LRRTM4: variants seen among roughly 807,000 people sequenced by gnomAD.
The protein encoded by LRRTM4 is leucine rich repeat transmembrane neuronal 4, also known as leucine-rich repeat transmembrane neuronal protein 4.
In LRRTM4, 25 loss-of-function variants were observed where a neutral mutation model predicts 47.6. The observed-to-expected ratio is 0.53, with a 90% CI of 0.38 to 0.73. The LOEUF (loss-of-function observed/expected upper bound fraction) is 0.73, where lower values mean the gene tolerates loss of function less well. LRRTM4 is among the 30% of genes least tolerant of loss of function. The pLI is 0.00. For synonymous variants in LRRTM4, 311 were observed against 269.5 expected, an observed-to-expected ratio of 1.15 and a Z score of -1.51; for missense variants, 638 against 713.4, an observed-to-expected ratio of 0.89 and a Z score of 1.20.
chr2:77,201,187 T>C (rs1673964534), intron 3 of LRRTM4, among the ~76,000 whole-genome samples: 1 of 152,118 alleles, frequency 6.6e-6, no homozygotes, highest in Non-Finnish European at 1.5e-5. Context: ...TAAAAACCTT[T>C]AAATAGAAGT....
intron 3 of LRRTM4, among the ~76,000 whole-genome samples, chr2:77,240,919 A>G (rs6715292): frequency 0.05 from 7,540 of 152,046 alleles, 639 homozygotes; most frequent in African/African-American, 0.17. Flanking sequence ...ACCTACTTTA[A>G]TTAAGATATG....
intron 3 of LRRTM4, among the ~76,000 whole-genome samples, chr2:76,750,906 C>T (rs528827728): frequency 1.1e-4 from 17 of 152,146 alleles, no homozygotes; most frequent in African/African-American, 2.6e-4. Flanking sequence ...GTTTTCTATG[C>T]GCAAATGCAA....
intron 3 of LRRTM4, among the ~76,000 whole-genome samples, chr2:77,210,562 T>C (rs1200379798): frequency 6.6e-6 from 1 of 152,170 alleles, no homozygotes; most frequent in Non-Finnish European, 1.5e-5. Context: ...CCATTTTATA[T>C]CCATTTAATT....
intron 3 of LRRTM4, among the ~76,000 whole-genome samples, chr2:76,797,417 A>G (rs1675399861): frequency 6.6e-6 from 1 of 152,104 alleles, no homozygotes; most frequent in African/African-American, 2.4e-5. Flanking sequence ...GCAAATGCTG[A>G]GAGATTTTGT....
intron 3 of LRRTM4, among the ~76,000 whole-genome samples, chr2:77,175,575 C>A (rs1292659418): frequency 6.6e-6 from 1 of 152,130 alleles, no homozygotes; most frequent in African/African-American, 2.4e-5. Flanking sequence ...ACTATCACAG[C>A]TGTAAATCAT....
chr2:76,855,534 T>A lies in LRRTM4; in HGVS notation c.1552-106618A>T, dbSNP rs549234935. Among the ~76,000 whole-genome samples, 14 of 152,326 alleles carry A rather than the reference T, an allele frequency of 9.2e-5. No individual in the cohort carries two copies. In the South Asian group the frequency reaches 2.5e-3, roughly 27 times the overall value. Reference sequence around the variant, plus strand: ...TAGATTAGTGCCGAAGTAAATAGACTTCACTTATCCCAATCTCTTTCTTTG... The same window carrying A: ...TAGATTAGTGCCGAAGTAAATAGACATCACTTATCCCAATCTCTTTCTTTG... On this transcript the variant is annotated intron_variant, in intron 3 of 3. Coordinates refer to ENST00000409884, the MANE Select transcript of LRRTM4 (RefSeq NM_001134745.3).
In LRRTM4 at chr2:77,029,050, C is replaced by CACAA. The variant is rs1553373430; in HGVS notation, c.1552-280135_1552-280134insTTGT. Among the ~76,000 whole-genome samples, 258 of 118,638 alleles carry CACAA rather than the reference C, an allele frequency of 2.2e-3. 1 individual carries two copies. Among genetic ancestry groups the CACAA allele is most frequent in the East Asian group, 3.4e-3 (15 of 4,454 alleles). 77.8% of individuals were successfully genotyped at this position (118,638 alleles called of 152,430 possible). ...AGTCCATCACACACACACACACACA[C>CACAA]AAATATATATATATATATATAATAT... is the stretch of plus-strand genomic sequence containing the variant. On this transcript the variant is annotated intron_variant, in intron 3 of 3. Transcript: ENST00000409884.
chr2:77,309,964 C>A (rs1677405484), intron 3 of LRRTM4, among the ~76,000 whole-genome samples: 1 of 151,990 alleles, frequency 6.6e-6, no homozygotes. Context: ...GCTGCTTTTA[C>A]CATACAATGG....
At chr2:76,859,250 C>T (rs1216468798) in intron 3 of LRRTM4, among the ~76,000 whole-genome samples, 1 of 152,046 alleles carries the variant, frequency 6.6e-6, no homozygotes, top group Non-Finnish European at 1.5e-5. Flanking sequence ...CCAGCTTTGT[C>T]ATTTACTGTT....
chr2:77,495,857 G>C (rs1678344428), intron 3 of LRRTM4, among the ~76,000 whole-genome samples: 1 of 151,862 alleles, frequency 6.6e-6, no homozygotes, highest in Non-Finnish European at 1.5e-5. Context: ...GGTTATTATA[G>C]GTCTTTTGCA....
intron 3 of LRRTM4, among the ~76,000 whole-genome samples, chr2:76,850,411 C>G (rs1671959125): frequency 6.6e-6 from 1 of 152,070 alleles, no homozygotes; most frequent in Non-Finnish European, 1.5e-5. Flanking sequence ...AAATTGGATT[C>G]AAATCTTGGT....
chr2:76,927,840 A>G (rs1007737339), intron 3 of LRRTM4, among the ~76,000 whole-genome samples: 1 of 152,168 alleles, frequency 6.6e-6, no homozygotes, highest in African/African-American at 2.4e-5. Flanking sequence ...CAATGCAGTT[A>G]AGCAGGTAAA....
At chr2:77,487,802 C>T (rs1558766774) in intron 3 of LRRTM4, among the ~76,000 whole-genome samples, 1 of 152,174 alleles carries the variant, frequency 6.6e-6, no homozygotes, top group Non-Finnish European at 1.5e-5. Flanking sequence ...TCAGCATGCA[C>T]TTCCTCCCCT....
intron 3 of LRRTM4, among the ~76,000 whole-genome samples, chr2:76,807,421 T>TACACACAC (rs1558667326): frequency 1.1e-4 from 8 of 70,190 alleles, no homozygotes; most frequent in East Asian, 1.1e-3. Flanking sequence ...TATATATATA[T>TACACACAC]ATACATATAT....
At chr2:76,871,652 C>G (rs983497458) in intron 3 of LRRTM4, among the ~76,000 whole-genome samples, 2 of 152,174 alleles carry the variant, frequency 1.3e-5, no homozygotes, top group African/African-American at 4.8e-5. Context: ...GGAACTGTCA[C>G]TTTGTTCTAA....
chr2:77,421,916 T>A (rs1255444520), intron 3 of LRRTM4, among the ~76,000 whole-genome samples: 1 of 152,232 alleles, frequency 6.6e-6, no homozygotes. Context: ...AAGCCTATAA[T>A]ACTGTGCTTT....
At chr2:77,219,763 A>C (rs1041190441) in intron 3 of LRRTM4, among the ~76,000 whole-genome samples, 3 of 152,204 alleles carry the variant, frequency 2.0e-5, no homozygotes, top group African/African-American at 7.2e-5. Flanking sequence ...AATAACAGCT[A>C]ATGTTGACCT....
chr2:77,101,049 A>G (rs1236127062), intron 3 of LRRTM4, among the ~76,000 whole-genome samples: 1 of 151,766 alleles, frequency 6.6e-6, no homozygotes, highest in South Asian at 2.1e-4. Flanking sequence ...ATTGGCCAGG[A>G]TGGTCTTGAT....
intron 3 of LRRTM4, among the ~76,000 whole-genome samples, chr2:77,260,494 A>G (rs950631672): frequency 6.6e-6 from 1 of 151,876 alleles, no homozygotes; most frequent in East Asian, 1.9e-4. Flanking sequence ...ATATTTAGAT[A>G]CCAAACCACT....
Sources: allele counts gnomAD v4.1 joint callset (sites outside exome capture counted in the v4.1 genomes callset), GRCh38; gene constraint gnomAD v4.1.1; transcripts MANE v1.5; gene names NCBI Gene and HGNC (gene_info 2026-07-23, HGNC 2026-07-21).